NSG2: variants seen among roughly 807,000 people sequenced by gnomAD.
The protein encoded by NSG2 is neuronal vesicle trafficking-associated protein 2.
NSG2 carries 4 observed loss-of-function variants against 16.9 expected under a neutral mutation model. The observed-to-expected ratio is 0.24, with a 90% CI of 0.12 to 0.54. The LOEUF is 0.54. Ranked by LOEUF, NSG2 falls within the 20% of genes least tolerant of loss-of-function variation. NSG2 has a pLI of 0.95. For missense variants in NSG2, 179 were observed against 221.1 expected (o/e 0.81, Z 1.21); for synonymous variants, 98 against 88.7 (o/e 1.11, Z -0.59).
intron 3 of NSG2, among the ~76,000 whole-genome samples, chr5:174,070,162 C>CA (rs199770304): frequency 0.015 from 2,303 of 152,196 alleles, 29 homozygotes; most frequent in Admixed American, 0.04. Flanking sequence ...TCTGGGATTA[C>CA]AGGTGTGAGC....
At chr5:174,053,068 C>T (rs895856673) in intron 2 of NSG2, among the ~76,000 whole-genome samples, 1 of 152,202 alleles carries the variant, frequency 6.6e-6, no homozygotes, top group Non-Finnish European at 1.5e-5. Context: ...AGGCCACATG[C>T]ACTTCATAGT....
intron 3 of NSG2, among the ~76,000 whole-genome samples, chr5:174,065,751 G>A (rs1760128220): frequency 6.6e-6 from 1 of 152,216 alleles, no homozygotes; most frequent in African/African-American, 2.4e-5. Context: ...GTGGTCCTGT[G>A]GATGGATGAT....
intron 3 of NSG2, among the ~76,000 whole-genome samples, chr5:174,100,654 C>T (rs1009910658): frequency 1.3e-5 from 2 of 152,204 alleles, no homozygotes; most frequent in Non-Finnish European, 2.9e-5. Context: ...TTGCTGGAGG[C>T]CTGCTCTGTG....
At chr5:174,059,982 C>G (rs1252990877) in intron 2 of NSG2, among the ~76,000 whole-genome samples, 12 of 152,150 alleles carry the variant, frequency 7.9e-5, no homozygotes, top group Admixed American at 7.9e-4. Context: ...CCCTGATTGG[C>G]TCAACTTCAC....
chr5:174,049,734 G>T (rs981866592), intron 2 of NSG2, among the ~76,000 whole-genome samples: 1 of 152,182 alleles, frequency 6.6e-6, no homozygotes, highest in Non-Finnish European at 1.5e-5. Flanking sequence ...GACCCACAGT[G>T]CGCTCCATTC....
At chr5:174,064,997 C>G (rs1306680619) in intron 3 of NSG2, among the ~76,000 whole-genome samples, 1 of 152,106 alleles carries the variant, frequency 6.6e-6, no homozygotes, top group Middle Eastern at 3.2e-3. Flanking sequence ...TAGCCCCAAC[C>G]CTGAATAGAA....
At chr5:174,052,105 G>T (rs1412922679) in intron 2 of NSG2, among the ~76,000 whole-genome samples, 3 of 152,212 alleles carry the variant, frequency 2.0e-5, no homozygotes, top group Non-Finnish European at 4.4e-5. Context: ...CTCATGCTTG[G>T]TCTTCTGATC....
rs1222920057 is a variant in NSG2 at position 174,107,055 on chromosome 5, C to T, written c.325-259C>T. 2.0e-5 allele frequency among the ~76,000 whole-genome samples: 3 copies of T among 152,180 alleles called. No individual in the cohort carries two copies. The highest frequency in any genetic ancestry group is 4.4e-5 in the Non-Finnish European group (3 of 68,028). On this transcript the variant is annotated intron_variant, in intron 4 of 4. Coordinates refer to ENST00000303177, the MANE Select transcript of NSG2 (RefSeq NM_015980.5). This position sits in a 1 kb window ranked among gnomAD's most constrained non-coding sequence, Gnocchi z 4.5. ...ACAGCATCCACTACAGCCGGACAGTCAGTATGCAGAGAAGGCTGGCCTTGA... is the reference window on the plus strand; with the variant it reads ...ACAGCATCCACTACAGCCGGACAGTTAGTATGCAGAGAAGGCTGGCCTTGA...
chr5:174,098,144 T>C (rs1760836047), intron 3 of NSG2, among the ~76,000 whole-genome samples: 1 of 152,012 alleles, frequency 6.6e-6, no homozygotes, highest in Non-Finnish European at 1.5e-5. Flanking sequence ...GAGGAGATGT[T>C]CTCCTTGCTG....
intron 3 of NSG2, among the ~76,000 whole-genome samples, chr5:174,099,075 G>T (rs1365421768): frequency 1.3e-5 from 2 of 152,172 alleles, no homozygotes; most frequent in African/African-American, 2.4e-5. Flanking sequence ...GGCTCACCCG[G>T]CATGGCGGGA....
chr5:174,093,810 G>A (rs1760755834), intron 3 of NSG2, among the ~76,000 whole-genome samples: 1 of 152,154 alleles, frequency 6.6e-6, no homozygotes, highest in Non-Finnish European at 1.5e-5. Flanking sequence ...TCATAAAAAA[G>A]ACTGGTTTAT....
chr5:174,100,278 C>T (rs540546919), intron 3 of NSG2, among the ~76,000 whole-genome samples: 84 of 152,338 alleles, frequency 5.5e-4, no homozygotes, highest in African/African-American at 1.8e-3. Flanking sequence ...TGGGGAACCA[C>T]GTGGGGGCTT....
intron 4 of NSG2, among the ~76,000 whole-genome samples, chr5:174,105,396 C>T (rs114407536): frequency 6.6e-6 from 1 of 152,324 alleles, no homozygotes; most frequent in Non-Finnish European, 1.5e-5. Flanking sequence ...TTTATTTCCT[C>T]CATTATATAC....
chr5:174,060,127 A>G (rs185656824), intron 2 of NSG2, among the ~76,000 whole-genome samples: 2 of 152,316 alleles, frequency 1.3e-5, no homozygotes, highest in East Asian at 3.9e-4. Context: ...ATGCTAGAGA[A>G]GCAACCTCAA....
At chr5:174,076,695 G>A (rs968625967) in intron 3 of NSG2, among the ~76,000 whole-genome samples, 2 of 152,144 alleles carry the variant, frequency 1.3e-5, no homozygotes, top group African/African-American at 2.4e-5. Context: ...TGGAACAATC[G>A]TTCTCAGTCA....
rs1759803725 is a variant in NSG2 at position 174,046,612 on chromosome 5, C to T, written c.-22-122C>T. ...TGGAAATCTAGTGGAAGATCAATGACTGATCACTAGATTGAAAGCCACTTG... is the reference window on the plus strand; with the variant it reads ...TGGAAATCTAGTGGAAGATCAATGATTGATCACTAGATTGAAAGCCACTTG... On this transcript the variant is annotated intron_variant, in intron 1 of 4. Coordinates refer to ENST00000303177, the MANE Select transcript of NSG2 (RefSeq NM_015980.5). 3.9e-6 allele frequency: 3 copies of T among 762,076 alleles called. No homozygotes were observed. In the East Asian group the frequency reaches 7.7e-5, roughly 20 times the overall value. The allele number at this position is 762,076 out of a possible 1,614,324, so 47.2% of individuals were successfully genotyped here.
chr5:174,105,908 A>G (rs1170069033), intron 4 of NSG2, among the ~76,000 whole-genome samples: 1 of 152,168 alleles, frequency 6.6e-6, no homozygotes, highest in African/African-American at 2.4e-5. Flanking sequence ...CTCAAAAAAA[A>G]AGAAGCTGAG....
chr5:174,071,658 A>G (rs1379462863), intron 3 of NSG2, among the ~76,000 whole-genome samples: 2 of 152,204 alleles, frequency 1.3e-5, no homozygotes, highest in Admixed American at 1.3e-4. Context: ...CCTGCCTGTG[A>G]CTAGCACTTT....
intron 3 of NSG2, among the ~76,000 whole-genome samples, chr5:174,103,651 A>G (rs942581665): frequency 1.3e-5 from 2 of 152,120 alleles, no homozygotes; most frequent in African/African-American, 4.8e-5. Flanking sequence ...TCACATGTTA[A>G]ATCAGAAAGG....
Sources: allele counts gnomAD v4.1 joint callset (sites outside exome capture counted in the v4.1 genomes callset), GRCh38; gene constraint gnomAD v4.1.1; non-coding constraint Gnocchi (gnomAD v3.1); transcripts MANE v1.5; gene names NCBI Gene and HGNC (gene_info 2026-07-23, HGNC 2026-07-21).